The following FBXL7 variants were observed in gnomAD, a reference collection of about 807,000 sequenced individuals.
The protein encoded by FBXL7 is F-box/LRR-repeat protein 7.
FBXL7 carries 12 observed loss-of-function variants against 38.3 expected under a neutral mutation model. The ratio of observed to expected loss-of-function variants is 0.31; its 90% CI spans 0.20 to 0.51. The LOEUF is 0.51. Among genes scored for constraint, FBXL7 ranks in the 20% least tolerant of loss-of-function variants. FBXL7 has a pLI of 0.98. For synonymous variants in FBXL7, 297 were observed against 300.9 expected (o/e 0.99, Z 0.13); for missense variants, 567 against 676.4 (o/e 0.84, Z 1.79).
intron 2 of FBXL7, among the ~76,000 whole-genome samples, chr5:15,687,681 CACAGTGAGG>C (rs911997625): frequency 1.1e-3 from 171 of 152,284 alleles, no homozygotes; most frequent in African/African-American, 3.8e-3. Context: ...AACAGTCCTG[CACAGTGAGG>C]ACAGTGAGGA....
At chr5:15,838,435 A>G (rs1738649766) in intron 2 of FBXL7, among the ~76,000 whole-genome samples, 1 of 151,974 alleles carries the variant, frequency 6.6e-6, no homozygotes, top group African/African-American at 2.4e-5. Flanking sequence ...CTCATGACCT[A>G]ATCACCTCCC....
chr5:15,769,523 G>A (rs978346459), intron 2 of FBXL7, among the ~76,000 whole-genome samples: 8 of 152,152 alleles, frequency 5.3e-5, no homozygotes, highest in South Asian at 4.1e-4. Context: ...ATCAGCAAGA[G>A]CAAATCAACA....
intron 2 of FBXL7, among the ~76,000 whole-genome samples, chr5:15,811,044 C>G (rs892946542): frequency 6.6e-6 from 1 of 152,156 alleles, no homozygotes; most frequent in African/African-American, 2.4e-5. Context: ...TTATAGCTCA[C>G]AAGCCTATGA....
chr5:15,932,572 C>A (rs1388812225), intron 3 of FBXL7, among the ~76,000 whole-genome samples: 2 of 152,128 alleles, frequency 1.3e-5, no homozygotes, highest in Non-Finnish European at 2.9e-5. Flanking sequence ...GATCTCATCC[C>A]AAAAGACAAT....
intron 2 of FBXL7, among the ~76,000 whole-genome samples, chr5:15,696,241 C>A (rs1743330533): frequency 6.6e-6 from 1 of 151,972 alleles, no homozygotes; most frequent in Admixed American, 6.6e-5. Flanking sequence ...ATTTAGCCAC[C>A]CAGAAATTAA....
chr5:15,554,059 G>A (rs555604096), intron 1 of FBXL7, among the ~76,000 whole-genome samples: 21 of 152,274 alleles, frequency 1.4e-4, no homozygotes, highest in African/African-American at 5.1e-4. Context: ...GGGAGAGAGA[G>A]AATTGGCTTG....
At chr5:15,619,283 T>G (rs1017037878) in intron 2 of FBXL7, among the ~76,000 whole-genome samples, 1 of 152,210 alleles carries the variant, frequency 6.6e-6, no homozygotes, top group Admixed American at 6.5e-5. Context: ...AGTTAACAAC[T>G]TTTAATGTTA....
chr5:15,893,438 C>T (rs1012971730), intron 2 of FBXL7, among the ~76,000 whole-genome samples: 1 of 152,112 alleles, frequency 6.6e-6, no homozygotes, highest in African/African-American at 2.4e-5. Flanking sequence ...TGAGTTTATG[C>T]ACAGAAAATT....
In FBXL7 at chr5:15,885,082, G is replaced by A. The variant is rs73062471; in HGVS notation, c.128-42808G>A. Among the ~76,000 whole-genome samples, 770 of 152,326 alleles carry A rather than the reference G, an allele frequency of 5.1e-3. 11 individuals are homozygous for A. Among genetic ancestry groups the A allele is most frequent in the African/African-American group, 0.018 (730 of 41,576 alleles). On this transcript the variant is annotated intron_variant, in intron 2 of 3. Transcript: ENST00000504595. ...AGCTGCATCACAAGGCAGCAGTCAAGGTGTTGTCTGGGACTGCAGTCATCT... is the reference window on the plus strand; with the variant it reads ...AGCTGCATCACAAGGCAGCAGTCAAAGTGTTGTCTGGGACTGCAGTCATCT...
intron 2 of FBXL7, among the ~76,000 whole-genome samples, chr5:15,642,444 A>T (rs931697183): frequency 2.0e-5 from 3 of 152,182 alleles, no homozygotes; most frequent in Admixed American, 6.5e-5. Context: ...TATGCCTTAC[A>T]CTCAATTTCT....
chr5:15,795,509 G>A (rs1054867654), intron 2 of FBXL7, among the ~76,000 whole-genome samples: 2 of 152,148 alleles, frequency 1.3e-5, no homozygotes, highest in Admixed American at 1.3e-4. Context: ...GCCAGATATT[G>A]CAGTTGTCAT....
intron 2 of FBXL7, among the ~76,000 whole-genome samples, chr5:15,851,875 A>AAT (rs1450464743): frequency 1.3e-5 from 2 of 151,352 alleles, no homozygotes; most frequent in African/African-American, 2.4e-5. Context: ...GTTTTTTTGT[A>AAT]ATATATATAT....
At chr5:15,671,585 A>C (rs1742479528) in intron 2 of FBXL7, among the ~76,000 whole-genome samples, 1 of 152,256 alleles carries the variant, frequency 6.6e-6, no homozygotes, top group Non-Finnish European at 1.5e-5. Context: ...GCTGAGAAGC[A>C]ATGACTTTGT....
chr5:15,514,044 C>G (rs1309389418), intron 1 of FBXL7, among the ~76,000 whole-genome samples: 1 of 152,106 alleles, frequency 6.6e-6, no homozygotes, highest in Non-Finnish European at 1.5e-5. Flanking sequence ...AATAAAAAAC[C>G]AATTCCCTCC....
chr5:15,922,804 A>C (rs1741777519), intron 2 of FBXL7, among the ~76,000 whole-genome samples: 1 of 152,180 alleles, frequency 6.6e-6, no homozygotes, highest in Non-Finnish European at 1.5e-5. Context: ...TGTATATAAA[A>C]ATGTAAAATA....
intron 2 of FBXL7, among the ~76,000 whole-genome samples, chr5:15,643,229 G>C (rs1249566155): frequency 6.6e-6 from 1 of 152,160 alleles, no homozygotes; most frequent in East Asian, 1.9e-4. Flanking sequence ...TGAATTATTG[G>C]TCTAGCCAAC....
At chr5:15,880,404 C>G (rs935637294) in intron 2 of FBXL7, among the ~76,000 whole-genome samples, 1 of 152,180 alleles carries the variant, frequency 6.6e-6, no homozygotes, top group African/African-American at 2.4e-5. Flanking sequence ...ACGTGCACCA[C>G]AGTCCAGCAG....
chr5:15,736,967 G>A (rs1443057652), intron 2 of FBXL7, among the ~76,000 whole-genome samples: 1 of 151,790 alleles, frequency 6.6e-6, no homozygotes, highest in East Asian at 1.9e-4. Flanking sequence ...GCCTTCTATG[G>A]GCTAACTATA....
intron 1 of FBXL7, among the ~76,000 whole-genome samples, chr5:15,557,358 T>C (rs1279297580): frequency 2.6e-5 from 4 of 152,260 alleles, no homozygotes; most frequent in Non-Finnish European, 5.9e-5. Context: ...GAGACTGTAA[T>C]ATTATAATTA....
Sources: allele counts gnomAD v4.1 joint callset (sites outside exome capture counted in the v4.1 genomes callset), GRCh38; gene constraint gnomAD v4.1.1; transcripts MANE v1.5; gene names NCBI Gene and HGNC (gene_info 2026-07-23, HGNC 2026-07-21).